CSMD1: variants seen among roughly 807,000 people sequenced by gnomAD.
The protein encoded by CSMD1 is CUB and Sushi multiple domains 1.
A neutral mutation model predicts 417.5 loss-of-function variants in CSMD1; 213 were observed. That is an observed-to-expected ratio of 0.51 (90% CI 0.46 to 0.57). The LOEUF (loss-of-function observed/expected upper bound fraction) is 0.57. CSMD1 is among the 20% of genes least tolerant of loss of function. The pLI is 0.00. For missense variants in CSMD1, 6,923 were observed against 4,529.7 expected (o/e 1.53, Z -15.17); for synonymous variants, 2,862 against 1,736.8 (o/e 1.65, Z -16.11).
In CSMD1 at chr8:4,753,588, C is replaced by T. The variant is rs966621365; in HGVS notation, c.86-116030G>A. 6.6e-5 allele frequency among the ~76,000 whole-genome samples: 10 copies of T among 152,252 alleles called. 1 individual carries two copies. Among genetic ancestry groups the T allele is most frequent in the Admixed American group, 2.6e-4 (4 of 15,284 alleles). On this transcript the variant is annotated intron_variant, in intron 1 of 69. Coordinates refer to ENST00000635120, the MANE Select transcript of CSMD1 (RefSeq NM_033225.6). The stretch of plus-strand genomic sequence containing the variant: ...CCTTCCATCACTTCTCATTGGCACC[C>T]ATGAACCTGACATCCTCACAGTATC...
At chr8:3,064,339 T>A (rs184942047) in intron 49 of CSMD1, among the ~76,000 whole-genome samples, 109 of 152,226 alleles carry the variant, frequency 7.2e-4, no homozygotes, top group African/African-American at 2.5e-3. Flanking sequence ...TCTCAGGAGA[T>A]CTGATGGTTT....
At chr8:3,303,934 G>A (rs1459897131) in intron 25 of CSMD1, among the ~76,000 whole-genome samples, 1 of 74,364 alleles carries the variant, frequency 1.3e-5, no homozygotes, top group Non-Finnish European at 3.3e-5. Context: ...TAACTATTTT[G>A]GGGTATTGCG....
chr8:2,951,008 C>G, intron 66 of CSMD1, 106 bp downstream of exon 66: 1 of 1,159,492 alleles, frequency 8.6e-7, no homozygotes, highest in Non-Finnish European at 1.2e-6. Context: ...ACAAAGCCAA[C>G]AGAACAGTAA....
At chr8:4,697,667 G>A (rs1041844251) in intron 1 of CSMD1, among the ~76,000 whole-genome samples, 2 of 152,096 alleles carry the variant, frequency 1.3e-5, no homozygotes, top group Admixed American at 6.6e-5. Context: ...CTGGTTACAC[G>A]ATTTCCCTGG....
intron 8 of CSMD1, among the ~76,000 whole-genome samples, chr8:3,597,832 G>T (rs934615069): frequency 6.6e-6 from 1 of 152,050 alleles, no homozygotes; most frequent in Admixed American, 6.6e-5. Flanking sequence ...ACCGGGGCCT[G>T]TCGGGGGGTT....
At chr8:4,450,217 G>A (rs1453978065) in intron 2 of CSMD1, among the ~76,000 whole-genome samples, 3 of 152,220 alleles carry the variant, frequency 2.0e-5, no homozygotes, top group Non-Finnish European at 4.4e-5. Flanking sequence ...GTACCTATAT[G>A]TGAGGGAGAC....
chr8:3,592,138 G>A (rs1256737673), intron 8 of CSMD1, among the ~76,000 whole-genome samples: 1 of 152,028 alleles, frequency 6.6e-6, no homozygotes, highest in Non-Finnish European at 1.5e-5. Context: ...ATAGATGAAT[G>A]GATAGGTAAG....
At chr8:4,082,134 A>T (rs910234003) in intron 3 of CSMD1, among the ~76,000 whole-genome samples, 3 of 152,154 alleles carry the variant, frequency 2.0e-5, no homozygotes, top group African/African-American at 7.2e-5. Flanking sequence ...ATTAGGAATA[A>T]AAGATGCAAA....
At chr8:3,529,229 A>T in intron 10 of CSMD1, among the ~76,000 whole-genome samples, 1 of 152,252 alleles carries the variant, frequency 6.6e-6, no homozygotes, top group Non-Finnish European at 1.5e-5. Context: ...ATTAAAATGC[A>T]AAATGCCAGT....
At chr8:4,986,955 A>T (rs1259376110) in intron 1 of CSMD1, among the ~76,000 whole-genome samples, 1 of 152,140 alleles carries the variant, frequency 6.6e-6, no homozygotes, top group Non-Finnish European at 1.5e-5. Context: ...ACCTATCTAT[A>T]TTTAAAATAT....
intron 5 of CSMD1, among the ~76,000 whole-genome samples, chr8:3,901,376 G>C (rs1416044779): frequency 6.6e-6 from 1 of 152,170 alleles, no homozygotes; most frequent in South Asian, 2.1e-4. Flanking sequence ...TGGAAGTGAA[G>C]ATGGGCATAT....
chr8:3,964,823 A>C (rs1812561166), intron 5 of CSMD1, among the ~76,000 whole-genome samples: 1 of 152,232 alleles, frequency 6.6e-6, no homozygotes, highest in Admixed American at 6.5e-5. Flanking sequence ...CAAATGAAAT[A>C]ATACACGGTT....
chr8:3,249,998 G>C (rs1800149870), intron 26 of CSMD1, among the ~76,000 whole-genome samples: 3 of 152,140 alleles, frequency 2.0e-5, no homozygotes, highest in African/African-American at 7.2e-5. Flanking sequence ...CAAAAATGTA[G>C]GTTATTATAA....
chr8:4,803,218 T>G (rs1171519127), intron 1 of CSMD1, among the ~76,000 whole-genome samples: 2 of 152,180 alleles, frequency 1.3e-5, no homozygotes, highest in Non-Finnish European at 2.9e-5. Context: ...GAGGATAAAT[T>G]CCAAACTTTT....
At chr8:3,900,545 A>G (rs570255717) in intron 5 of CSMD1, among the ~76,000 whole-genome samples, 1 of 138,390 alleles carries the variant, frequency 7.2e-6, no homozygotes, top group African/African-American at 3.3e-5. Context: ...CAGTGAAGCT[A>G]GGTGACAGTG....
intron 3 of CSMD1, among the ~76,000 whole-genome samples, chr8:4,291,517 G>C (rs767630795): frequency 2.6e-5 from 4 of 152,104 alleles, no homozygotes; most frequent in African/African-American, 9.6e-5. Context: ...CTTGTTTTCG[G>C]AAAGTACATT....
chr8:3,492,251 G>A (rs888178616), intron 11 of CSMD1, among the ~76,000 whole-genome samples: 3 of 152,112 alleles, frequency 2.0e-5, no homozygotes, highest in African/African-American at 7.2e-5. Flanking sequence ...GCATGCCGCT[G>A]AGCTCTTCTG....
intron 3 of CSMD1, among the ~76,000 whole-genome samples, chr8:4,078,459 T>C (rs1799947184): frequency 6.6e-6 from 1 of 151,624 alleles, no homozygotes; most frequent in South Asian, 2.1e-4. Context: ...GGACTACAGG[T>C]GCCACCATGT....
intron 5 of CSMD1, among the ~76,000 whole-genome samples, chr8:3,764,450 G>C (rs1050670305): frequency 6.6e-6 from 1 of 152,184 alleles, no homozygotes; most frequent in Non-Finnish European, 1.5e-5. Flanking sequence ...GGGCCCTGAA[G>C]ACATGCGTGT....
Sources: allele counts gnomAD v4.1 joint callset (sites outside exome capture counted in the v4.1 genomes callset), GRCh38; gene constraint gnomAD v4.1.1; transcripts MANE v1.5; gene names NCBI Gene and HGNC (gene_info 2026-07-23, HGNC 2026-07-21).